SPTAN1: variants seen among roughly 807,000 people sequenced by gnomAD.
SPTAN1 encodes the protein spectrin alpha, non-erythrocytic 1.
In SPTAN1, 61 loss-of-function variants were observed where a neutral mutation model predicts 331.3. The ratio of observed to expected loss-of-function variants is 0.18; its 90% confidence interval spans 0.15 to 0.23. The LOEUF (loss-of-function observed/expected upper bound fraction) is 0.23. Among genes scored for constraint, SPTAN1 ranks in the 10% least tolerant of loss-of-function variants. The probability of loss-of-function intolerance (pLI) is 1.00; values close to 1 mark genes in which losing one functional copy is unlikely to be tolerated. For missense variants in SPTAN1, 2,043 were observed against 3,147.9 expected, an observed-to-expected ratio of 0.65 and a Z score of 8.40; for synonymous variants, 1,153 against 1,173.9, an observed-to-expected ratio of 0.98 and a Z score of 0.36.
At chr9:128,624,978 G>A in intron 46 of SPTAN1, 125 bp from the exon 47 acceptor site, 1 of 917,320 alleles carries the variant, frequency 1.1e-6, no homozygotes, top group East Asian at 2.5e-5. Context: ...GGGTTCTGAG[G>A]CTGTAGTTAG....
chr9:128,574,650 TA>T lies in SPTAN1; in HGVS notation c.364-21del, dbSNP rs757364107. The T allele has an allele frequency of 2.9e-4, 471 of 1,614,094 alleles. 2 individuals are homozygous for T. The highest frequency in any genetic ancestry group is 2.8e-3 in the Middle Eastern group (17 of 6,062). ...CCCACAGAGCCAGTTGTGATCTGAT[TA>T]AAACTCTGATTTGAAACTTTCAGAC... On this transcript the variant is annotated intron_variant, in intron 3 of 56. Coordinates refer to ENST00000372739, the MANE Select transcript of SPTAN1 (RefSeq NM_001130438.3).
rs1390888985 is a variant in SPTAN1, at chr9:128,627,156, G to C, written c.6577-230G>C. 1.6e-6 allele frequency: 1 copy of C among 629,016 alleles called. No individual in the cohort carries two copies. The highest frequency in any genetic ancestry group is 2.9e-6 in the Non-Finnish European group (1 of 340,864). 39.0% of individuals were successfully genotyped at this position (629,016 alleles called of 1,614,324 possible). On this transcript the variant is annotated intron_variant, in intron 49 of 56. Transcript: ENST00000372739. The surrounding 1 kb of genome is among the most constrained non-coding windows in gnomAD (Gnocchi z 4.9). The stretch of plus-strand genomic sequence containing the variant: ...CAGTCCAGCAACTCCCTGCTTGACT[G>C]ACCAGTCGCTTCCCTCCAGGTCCGC...
At chr9:128,615,484 T>A in intron 40 of SPTAN1, 148 bp from the exon 41 acceptor site, 1 of 775,012 alleles carries the variant, frequency 1.3e-6, no homozygotes, top group South Asian at 1.5e-5. Context: ...ATGAAAATAG[T>A]GTGAGTTGAT....
In SPTAN1 at chr9:128,626,496, G is replaced by A. The variant is rs1215694890; in HGVS notation, c.6385G>A (p.Glu2129Lys). Residue 2129 changes from glutamate to lysine, a missense_variant, in exon 49 of 57, where the codon GAA becomes AAA. Around this residue, in one of 12 missense-constraint regions of SPTAN1, gnomAD observed 256 missense variants for 376.4 expected, o/e 0.68. Coordinates refer to ENST00000372739, the MANE Select transcript of SPTAN1 (RefSeq NM_001130438.3). Reference protein sequence around the residue: ...LTDPVRCNSLEEIKALREAHD... With the variant: ...LTDPVRCNSLKEIKALREAHD... ...AGACCCCGTGCGCTGCAACTCCTTG[G>A]AAGAAATCAAAGCTTTGCGCGAGGC... 1.2e-6 allele frequency: 2 copies of A among 1,613,926 alleles called. No individual in the cohort carries two copies. Among genetic ancestry groups the A allele is most frequent in the East Asian group, 2.2e-5 (1 of 44,856 alleles).
intron 12 of SPTAN1, 139 bp from the exon 13 acceptor site, chr9:128,582,340 T>C: frequency 1.3e-6 from 1 of 772,156 alleles, no homozygotes; most frequent in African/African-American, 1.7e-5. Context: ...AAAAATGTCA[T>C]CACCAACCTT....
intron 49 of SPTAN1, chr9:128,626,942 A>G (rs1589391025): frequency 4.8e-6 from 3 of 618,564 alleles, no homozygotes; most frequent in East Asian, 3.2e-5. Context: ...AGCCTCTTGA[A>G]TAACTGGGAC....
At chr9:128,582,925 A>C in intron 14 of SPTAN1, 76 bp downstream of exon 14, 2 of 1,602,282 alleles carry the variant, frequency 1.2e-6, no homozygotes, top group South Asian at 2.2e-5. Context: ...AATTGTAGCT[A>C]AAGGACGAAA....
chr9:128,576,375 GAAAA>G (rs1320070084), intron 5 of SPTAN1, among the ~76,000 whole-genome samples: 1 of 151,804 alleles, frequency 6.6e-6, no homozygotes, highest in Non-Finnish European at 1.5e-5. Flanking sequence ...TCTCAAAAAA[GAAAA>G]AAAGAAATGT....
intron 52 of SPTAN1, chr9:128,631,887 T>G: frequency 5.3e-6 from 3 of 565,576 alleles, no homozygotes; most frequent in Admixed American, 3.1e-5. Flanking sequence ...TGGCGTGCAC[T>G]GCCCTCTGGC....
chr9:128,629,211 T>C lies in SPTAN1; in HGVS notation c.6708-1110T>C, dbSNP rs1589402660. 1 of 398,730 alleles carries C rather than the reference T, an allele frequency of 2.5e-6. No individual in the cohort carries two copies. Among genetic ancestry groups the C allele is most frequent in the African/African-American group, 2.1e-5 (1 of 48,750 alleles). 24.7% of individuals were successfully genotyped at this position (398,730 alleles called of 1,614,324 possible). On this transcript the variant is annotated intron_variant, in intron 51 of 56. Transcript: ENST00000372739. This position sits in a 1 kb window ranked among gnomAD's most constrained non-coding sequence, Gnocchi z 4.9. ...AGGTTTTTCTCCTTATTTCTCTTCT[T>C]ACCTCACTGTGGCTTTACTGATGCA...
At chr9:128,572,777 G>A (rs150107885) in intron 3 of SPTAN1, among the ~76,000 whole-genome samples, 4 of 152,242 alleles carry the variant, frequency 2.6e-5, no homozygotes, top group African/African-American at 9.6e-5. Flanking sequence ...ATACCGGACA[G>A]CGTGGCGCCC....
rs767617004 is a variant in SPTAN1, at chr9:128,568,924, A to C, written c.363+27A>C. Reference sequence around the variant, plus strand: ...TGAGTATGAGTAGCTCGTGGAGTGGATGGCTTCATCTGGGTGGAGCATTGT... The same window carrying C: ...TGAGTATGAGTAGCTCGTGGAGTGGCTGGCTTCATCTGGGTGGAGCATTGT... On this transcript the variant is annotated intron_variant, in intron 3 of 56. Coordinates refer to ENST00000372739, the MANE Select transcript of SPTAN1 (RefSeq NM_001130438.3). The C allele has an allele frequency of 5.6e-6, 9 of 1,613,498 alleles. No individual in the cohort carries two copies. The Admixed American group carries it at 1.3e-4, about 24-fold the overall frequency.
chr9:128,587,813 CAA>C, intron 20 of SPTAN1, 115 bp downstream of exon 20: 1 of 771,634 alleles, frequency 1.3e-6, no homozygotes, highest in East Asian at 2.7e-5. Context: ...TCTTGTGACA[CAA>C]AGATTTACAG....
chr9:128,606,658 T>G (rs566701114), intron 31 of SPTAN1, among the ~76,000 whole-genome samples: 1 of 151,320 alleles, frequency 6.6e-6, no homozygotes, highest in Admixed American at 6.6e-5. Context: ...TAATTTTGTA[T>G]TTTTTTTAGT....
In SPTAN1 at chr9:128,582,522, A is replaced by G; in HGVS notation, c.1616A>G (p.Tyr539Cys). 1.2e-6 allele frequency: 2 copies of G among 1,614,134 alleles called. No homozygotes were observed. Among genetic ancestry groups the G allele is most frequent in the Non-Finnish European group, 1.7e-6 (2 of 1,180,020 alleles). Residue 539 changes from tyrosine to cysteine, a missense_variant, in exon 13 of 57, where the codon TAT (tyrosine) becomes TGT (cysteine). This residue lies in a region of SPTAN1 where 1,038 missense variants were observed against 1,531.5 expected (regional missense o/e 0.68). Coordinates refer to ENST00000372739, the MANE Select transcript of SPTAN1 (RefSeq NM_001130438.3). The part of the protein sequence containing the change: ...FATKLIQNNH[Y>C]AMEDVATRRD... ...ACCAAGCTAATTCAGAACAACCACT[A>G]TGCAATGGAAGATGTGGCCACTCGC...
intron 31 of SPTAN1, among the ~76,000 whole-genome samples, chr9:128,605,846 G>C (rs963836357): frequency 6.6e-6 from 1 of 152,040 alleles, no homozygotes; most frequent in Admixed American, 6.5e-5. Flanking sequence ...ACAAAAATTA[G>C]CCAGGTGTGG....
At chr9:128,584,246 C>T (rs1852292969) in intron 16 of SPTAN1, 36 bp from the exon 17 acceptor site, 1 of 1,613,774 alleles carries the variant, frequency 6.2e-7, no homozygotes, top group Non-Finnish European at 8.5e-7. Flanking sequence ...AAACCACACC[C>T]AAAGTAAAGT....
At chr9:128,590,466 G>A (rs1853321662) in intron 21 of SPTAN1, among the ~76,000 whole-genome samples, 1 of 151,676 alleles carries the variant, frequency 6.6e-6, no homozygotes, top group Admixed American at 6.6e-5. Context: ...CACTTTGGGA[G>A]GCCGAGACAG....
intron 51 of SPTAN1, chr9:128,628,700 C>T (rs1234583325): frequency 5.9e-6 from 1 of 168,556 alleles, no homozygotes; most frequent in East Asian, 1.7e-4. Flanking sequence ...AGGCTCTGCA[C>T]CCAGGCACAT....
Sources: gnomAD v4.1 joint callset for allele counts (sites outside exome capture counted in the v4.1 genomes callset) on GRCh38, gnomAD v4.1.1 for gene constraint, gnomAD v4.1.1 regional missense constraint, Gnocchi (gnomAD v3.1) non-coding constraint, MANE v1.5 for transcripts, NCBI Gene and HGNC (gene_info 2026-07-23, HGNC 2026-07-21) for gene names.